Variants in DIS3L2 observed in about 807,000 individuals in gnomAD.
DIS3L2 encodes DIS3 like 3'-5' exoribonuclease 2.
Under a neutral mutation model 97.5 loss-of-function variants are expected in DIS3L2, and 34 were observed. The observed-to-expected ratio is 0.35, with a 90% CI of 0.27 to 0.46. The LOEUF is 0.46. Among genes scored for constraint, DIS3L2 ranks in the 20% least tolerant of loss-of-function variants. The probability of loss-of-function intolerance (pLI) is 1.00; values close to 1 mark genes in which losing one functional copy is unlikely to be tolerated. For missense variants in DIS3L2, 1,038 were observed against 1,146.0 expected (o/e 0.91, Z 1.36); for synonymous variants, 435 against 445.2 (o/e 0.98, Z 0.29).
chr2:232,063,674 AC>A (rs1695775553), intron 5 of DIS3L2, among the ~76,000 whole-genome samples: 4 of 152,290 alleles, frequency 2.6e-5, no homozygotes, highest in African/African-American at 9.6e-5. Flanking sequence ...GAAGCAAGAC[AC>A]TGCCTTCATT....
At chr2:232,158,989 A>T (rs1347938362) in intron 8 of DIS3L2, among the ~76,000 whole-genome samples, 1 of 152,208 alleles carries the variant, frequency 6.6e-6, no homozygotes, top group Non-Finnish European at 1.5e-5. Flanking sequence ...TTGGGATAAT[A>T]GGTCCCCCAT....
At chr2:232,127,439 A>G (rs900683146) in intron 6 of DIS3L2, among the ~76,000 whole-genome samples, 1 of 152,124 alleles carries the variant, frequency 6.6e-6, no homozygotes, top group African/African-American at 2.4e-5. Context: ...CACCAAGACT[A>G]TTCAACTCCA....
intron 10 of DIS3L2, among the ~76,000 whole-genome samples, chr2:232,235,694 C>T (rs1347788097): frequency 6.6e-6 from 1 of 152,200 alleles, no homozygotes; most frequent in African/African-American, 2.4e-5. Flanking sequence ...TTTTGTCCTT[C>T]AGTCAATATT....
At chr2:232,165,798 G>T (rs1201196324) in intron 9 of DIS3L2, among the ~76,000 whole-genome samples, 2 of 152,186 alleles carry the variant, frequency 1.3e-5, no homozygotes, top group Non-Finnish European at 2.9e-5. Flanking sequence ...AAAGTGTTGG[G>T]ATTACAGGCG....
intron 10 of DIS3L2, among the ~76,000 whole-genome samples, chr2:232,226,094 ATTGTAG>A (rs1367490802): frequency 6.6e-6 from 1 of 152,206 alleles, no homozygotes; most frequent in Non-Finnish European, 1.5e-5. Flanking sequence ...TCTAAAATTT[ATTGTAG>A]TTGTGGTTGC....
intron 14 of DIS3L2, among the ~76,000 whole-genome samples, chr2:232,327,850 C>T (rs1695620216): frequency 6.6e-6 from 1 of 152,234 alleles, no homozygotes; most frequent in Non-Finnish European, 1.5e-5. Flanking sequence ...ATGCATCAGG[C>T]AGAGGGCCTG....
intron 9 of DIS3L2, among the ~76,000 whole-genome samples, chr2:232,197,920 G>A (rs574643348): frequency 3.3e-5 from 5 of 151,022 alleles, no homozygotes; most frequent in Admixed American, 2.0e-4. Context: ...AGCGGAGACC[G>A]CACCACTGCA....
intron 5 of DIS3L2, among the ~76,000 whole-genome samples, chr2:232,032,040 G>A (rs1017205468): frequency 6.6e-5 from 10 of 152,120 alleles, no homozygotes; most frequent in South Asian, 2.1e-4. Context: ...TGGGATTGCC[G>A]GGTCAAATGG....
chr2:232,308,225 T>C (rs1220853991), intron 14 of DIS3L2, among the ~76,000 whole-genome samples: 3 of 152,218 alleles, frequency 2.0e-5, no homozygotes, highest in African/African-American at 7.2e-5. Flanking sequence ...ACCTGCCTGA[T>C]TGGCCCTTGT....
intron 1 of DIS3L2, among the ~76,000 whole-genome samples, chr2:231,987,193 A>T (rs1357409516): frequency 6.6e-6 from 1 of 152,178 alleles, no homozygotes; most frequent in African/African-American, 2.4e-5. Context: ...ATTGTCTCAA[A>T]GAAAGAGCTC....
At chr2:232,314,411 G>T (rs762828387) in intron 14 of DIS3L2, among the ~76,000 whole-genome samples, 5 of 152,218 alleles carry the variant, frequency 3.3e-5, no homozygotes, top group Non-Finnish European at 7.3e-5. Flanking sequence ...GACAGAGAGG[G>T]TCGAGACCCA....
intron 6 of DIS3L2, among the ~76,000 whole-genome samples, chr2:232,102,974 T>C (rs1239712084): frequency 6.6e-6 from 1 of 152,168 alleles, no homozygotes; most frequent in East Asian, 1.9e-4. Context: ...AAAATAAAAA[T>C]CTTGAGTAAA....
chr2:232,291,461 T>C (rs765814143), intron 13 of DIS3L2, among the ~76,000 whole-genome samples: 5 of 152,266 alleles, frequency 3.3e-5, no homozygotes, highest in African/African-American at 4.8e-5. Context: ...AAGGAAGAGT[T>C]GGACACCCTG....
chr2:232,343,224 G>A (rs1696153004), intron 13 of DIS3L2: 1 of 799,230 alleles, frequency 1.3e-6, no homozygotes, highest in Non-Finnish European at 2.0e-6. Context: ...AGGCCATGCT[G>A]TATCTTTCTG....
At chr2:232,216,653 T>A (rs1156592793) in intron 10 of DIS3L2, among the ~76,000 whole-genome samples, 1 of 152,136 alleles carries the variant, frequency 6.6e-6, no homozygotes, top group Non-Finnish European at 1.5e-5. Flanking sequence ...TTTCTTTGCT[T>A]TTAAGATGCA....
chr2:232,133,369 C>G (rs1698271280), intron 7 of DIS3L2, among the ~76,000 whole-genome samples: 1 of 152,194 alleles, frequency 6.6e-6, no homozygotes, highest in Non-Finnish European at 1.5e-5. Context: ...ATTGAAACTA[C>G]AGCCCACAAA....
chr2:232,329,785 T>TCCCCGGGGGGGCCCCCCCC, intron 14 of DIS3L2, 28 bp from the exon 15 acceptor site: 18 of 967,092 alleles, frequency 1.9e-5, no homozygotes, highest in East Asian at 3.1e-5. Context: ...ACCCCAGCGG[T>TCCCCGGGGGGGCCCCCCCC]CCCTCCCATC....
chr2:232,169,716 A>G (rs887059062), intron 9 of DIS3L2, among the ~76,000 whole-genome samples: 1 of 152,170 alleles, frequency 6.6e-6, no homozygotes, highest in Admixed American at 6.5e-5. Flanking sequence ...CAGAGCCTGC[A>G]GTGTTACTCT....
At chr2:231,975,775 G>C (rs1054156106) in intron 1 of DIS3L2, among the ~76,000 whole-genome samples, 1 of 151,086 alleles carries the variant, frequency 6.6e-6, no homozygotes, top group Admixed American at 6.6e-5. Context: ...GAGCAGTCTT[G>C]CAAGCTTGAG....
Sources: allele counts gnomAD v4.1 joint callset (sites outside exome capture counted in the v4.1 genomes callset), GRCh38; gene constraint gnomAD v4.1.1; transcripts MANE v1.5; gene names NCBI Gene and HGNC (gene_info 2026-07-23, HGNC 2026-07-21).